The following HS3ST3A1 variants were observed in gnomAD, a reference collection of about 807,000 sequenced individuals.
The protein encoded by HS3ST3A1 is heparan sulfate-glucosamine 3-sulfotransferase 3A1.
Under a neutral mutation model 25.7 loss-of-function variants are expected in HS3ST3A1, and 19 were observed. The ratio of observed to expected loss-of-function variants is 0.74; its 90% confidence interval spans 0.52 to 1.08. The LOEUF is 1.08. HS3ST3A1 is among the 50% of genes least tolerant of loss of function. HS3ST3A1 has a pLI of 0.00. For synonymous variants in HS3ST3A1, 226 were observed against 278.6 expected (o/e 0.81, Z 1.88); for missense variants, 459 against 594.3 (o/e 0.77, Z 2.37).
chr17:13,575,579 G>A (rs535740690), intron 1 of HS3ST3A1, among the ~76,000 whole-genome samples: 2 of 152,166 alleles, frequency 1.3e-5, no homozygotes, highest in Non-Finnish European at 2.9e-5. Flanking sequence ...AAAGATTTTA[G>A]CTCCTTCTGC....
chr17:13,551,016 G>A (rs969021561), intron 1 of HS3ST3A1, among the ~76,000 whole-genome samples: 3 of 147,148 alleles, frequency 2.0e-5, no homozygotes, highest in Non-Finnish European at 3.0e-5. Context: ...GCAGTGAGCC[G>A]AGATCGCGTC....
intron 1 of HS3ST3A1, among the ~76,000 whole-genome samples, chr17:13,503,187 A>AG (rs912115654): frequency 2.6e-5 from 4 of 151,460 alleles, no homozygotes; most frequent in African/African-American, 9.7e-5. Context: ...AAAAAAAAAA[A>AG]AAAAGAAAAA....
chr17:13,591,872 C>T (rs1201443803), intron 1 of HS3ST3A1, among the ~76,000 whole-genome samples: 2 of 152,086 alleles, frequency 1.3e-5, no homozygotes, highest in African/African-American at 4.8e-5. Context: ...GTTGGCCAGG[C>T]TGGTCTCGAA....
Position 13,512,305 on chromosome 17 carries a change from C to CAAAA in HS3ST3A1, c.600-15491_600-15488dup, listed in dbSNP as rs67523378. On this transcript the variant is annotated intron_variant, in intron 1 of 1. Coordinates refer to ENST00000284110, the MANE Select transcript of HS3ST3A1 (RefSeq NM_006042.3). ...TGGGCGACAGAGCGAGACTCCGTCT[C>CAAAA]AAAAAAAAAAAAAAAAAAAAAACTG... Among the ~76,000 whole-genome samples, 30 of 82,068 alleles carry CAAAA rather than the reference C, an allele frequency of 3.7e-4. 1 individual carries two copies. The highest frequency in any genetic ancestry group is 8.9e-4 in the African/African-American group (15 of 16,766). 53.8% of individuals were successfully genotyped at this position (82,068 alleles called of 152,430 possible).
chr17:13,554,196 A>C (rs901914190), intron 1 of HS3ST3A1, among the ~76,000 whole-genome samples: 1 of 152,168 alleles, frequency 6.6e-6, no homozygotes, highest in Non-Finnish European at 1.5e-5. Context: ...TCTGTGTTCT[A>C]GGCAGAGGCT....
intron 1 of HS3ST3A1, among the ~76,000 whole-genome samples, chr17:13,515,684 A>G (rs150637668): frequency 0.011 from 1,638 of 152,216 alleles, 14 homozygotes; most frequent in Middle Eastern, 0.024. Context: ...GGGTCATTTA[A>G]CAAGTATATG....
intron 1 of HS3ST3A1, among the ~76,000 whole-genome samples, chr17:13,585,446 C>T (rs1176014730): frequency 6.6e-6 from 1 of 151,232 alleles, no homozygotes; most frequent in African/African-American, 2.4e-5. Flanking sequence ...GTGATCCACC[C>T]GCCTCAGCCT....
intron 1 of HS3ST3A1, among the ~76,000 whole-genome samples, chr17:13,537,959 C>A (rs74576864): frequency 2.1e-3 from 320 of 152,308 alleles, no homozygotes; most frequent in African/African-American, 7.3e-3. Flanking sequence ...TCTTAGGTGA[C>A]AACATTATTG....
At chr17:13,528,877 C>T (rs148590500) in intron 1 of HS3ST3A1, among the ~76,000 whole-genome samples, 460 of 147,352 alleles carry the variant, frequency 3.1e-3, no homozygotes, top group Non-Finnish European at 6.0e-3. Context: ...TTATAAAGAG[C>T]AGGATGTGGG....
chr17:13,513,643 A>G (rs1321277640), intron 1 of HS3ST3A1, among the ~76,000 whole-genome samples: 2 of 152,230 alleles, frequency 1.3e-5, no homozygotes, highest in Non-Finnish European at 2.9e-5. Context: ...TGGAATAAAT[A>G]GAAACACCAT....
intron 1 of HS3ST3A1, among the ~76,000 whole-genome samples, chr17:13,567,936 G>T (rs1907714329): frequency 6.6e-6 from 1 of 152,230 alleles, no homozygotes; most frequent in Admixed American, 6.5e-5. Context: ...GATTTGAGAG[G>T]ACTGACTCCA....
chr17:13,506,000 C>A (rs1905656638), intron 1 of HS3ST3A1, among the ~76,000 whole-genome samples: 1 of 135,562 alleles, frequency 7.4e-6, no homozygotes. Context: ...GCACTCCAGC[C>A]TGGGCAACAG....
chr17:13,546,525 CA>C (rs1382451792), intron 1 of HS3ST3A1, among the ~76,000 whole-genome samples: 3 of 152,306 alleles, frequency 2.0e-5, no homozygotes, highest in East Asian at 3.9e-4. Context: ...CTCGGCCTCC[CA>C]AAGTGTTGGG....
intron 1 of HS3ST3A1, among the ~76,000 whole-genome samples, chr17:13,588,010 G>A (rs1176174972): frequency 6.6e-6 from 1 of 152,074 alleles, no homozygotes; most frequent in African/African-American, 2.4e-5. Context: ...TATTAGCTGC[G>A]GGTGCTCACC....
At chr17:13,515,068 G>A (rs1431914320) in intron 1 of HS3ST3A1, among the ~76,000 whole-genome samples, 1 of 152,138 alleles carries the variant, frequency 6.6e-6, no homozygotes, top group Non-Finnish European at 1.5e-5. Context: ...TTAAAATATT[G>A]TATAATTCTT....
intron 1 of HS3ST3A1, among the ~76,000 whole-genome samples, chr17:13,528,408 C>T (rs995166037): frequency 3.3e-5 from 5 of 152,206 alleles, no homozygotes; most frequent in East Asian, 1.9e-4. Flanking sequence ...ATCTCACTCT[C>T]GAGCTCATGG....
chr17:13,554,962 C>G (rs1280910245), intron 1 of HS3ST3A1, among the ~76,000 whole-genome samples: 1 of 152,082 alleles, frequency 6.6e-6, no homozygotes, highest in Non-Finnish European at 1.5e-5. Context: ...ATTCCTCAAG[C>G]CCCCTGAGAA....
chr17:13,545,900 C>T (rs1907075094), intron 1 of HS3ST3A1, among the ~76,000 whole-genome samples: 1 of 152,064 alleles, frequency 6.6e-6, no homozygotes, highest in Non-Finnish European at 1.5e-5. Flanking sequence ...TCGCTTGAAC[C>T]CAGGAAGCAG....
chr17:13,517,024 T>G (rs1906077568), intron 1 of HS3ST3A1, among the ~76,000 whole-genome samples: 1 of 152,108 alleles, frequency 6.6e-6, no homozygotes, highest in South Asian at 2.1e-4. Context: ...AGAATGAGTA[T>G]CAGGAAACAG....
Sources: gnomAD v4.1 joint callset for allele counts (sites outside exome capture counted in the v4.1 genomes callset) on GRCh38, gnomAD v4.1.1 for gene constraint, MANE v1.5 for transcripts, NCBI Gene and HGNC (gene_info 2026-07-23, HGNC 2026-07-21) for gene names.